PCMT1: variants seen among roughly 807,000 people sequenced by gnomAD.
The protein encoded by PCMT1 is protein-L-isoaspartate (D-aspartate) O-methyltransferase, also known as protein-L-isoaspartate(D-aspartate) O-methyltransferase.
PCMT1 carries 9 observed loss-of-function variants against 29.2 expected under a neutral mutation model. The ratio of observed to expected loss-of-function variants is 0.31; its 90% CI spans 0.19 to 0.54. PCMT1 has a LOEUF of 0.54. Among genes scored for constraint, PCMT1 ranks in the 20% least tolerant of loss-of-function variants. The pLI is 0.95. For missense variants in PCMT1, 184 were observed against 282.2 expected, an observed-to-expected ratio of 0.65 and a Z score of 2.49; for synonymous variants, 98 against 97.5, an observed-to-expected ratio of 1.00 and a Z score of -0.03.
At chr6:149,752,322 C>T (rs1052750525) in intron 1 of PCMT1, among the ~76,000 whole-genome samples, 2 of 151,914 alleles carry the variant, frequency 1.3e-5, no homozygotes, top group African/African-American at 4.8e-5. Context: ...CTCAGCCTCC[C>T]GAGTAGCTGG....
At chr6:149,763,161 TATG>T (rs1210883295) in intron 1 of PCMT1, among the ~76,000 whole-genome samples, 4 of 53,882 alleles carry the variant, frequency 7.4e-5, no homozygotes, top group South Asian at 5.6e-4. Context: ...GATATATATC[TATG>T]ATATCTATGA....
At chr6:149,767,646 G>T (rs1344439552) in intron 1 of PCMT1, among the ~76,000 whole-genome samples, 1 of 151,880 alleles carries the variant, frequency 6.6e-6, no homozygotes, top group Non-Finnish European at 1.5e-5. Flanking sequence ...TAGAGATGGG[G>T]TCTCTTCGTG....
At chr6:149,766,384 T>C (rs1283545218) in intron 1 of PCMT1, among the ~76,000 whole-genome samples, 1 of 152,088 alleles carries the variant, frequency 6.6e-6, no homozygotes, top group East Asian at 1.9e-4. Flanking sequence ...TATAAAATCG[T>C]TGGCTTACAC....
chr6:149,789,829 C>T (rs1188740503), intron 3 of PCMT1, 125 bp from the exon 4 acceptor site: 2 of 513,790 alleles, frequency 3.9e-6, no homozygotes, highest in Non-Finnish European at 6.8e-6. Flanking sequence ...GGCAGATAGC[C>T]AAGATAACTT....
chr6:149,765,506 C>G (rs1787043897), intron 1 of PCMT1, among the ~76,000 whole-genome samples: 1 of 151,534 alleles, frequency 6.6e-6, no homozygotes, highest in Non-Finnish European at 1.5e-5. Context: ...AATGGAAAGA[C>G]CATATAAGTT....
chr6:149,804,456 G>T (rs75629254), intron 7 of PCMT1, among the ~76,000 whole-genome samples: 2,435 of 152,226 alleles, frequency 0.016, 70 homozygotes, highest in African/African-American at 0.055. Context: ...AGCTGAAGCT[G>T]CAGAGCCCTT....
intron 1 of PCMT1, among the ~76,000 whole-genome samples, chr6:149,762,867 A>G (rs1562398797): frequency 1.8e-5 from 1 of 56,304 alleles, no homozygotes; most frequent in East Asian, 1.4e-3. Flanking sequence ...TATGATATAT[A>G]TATCTATGAT....
intron 3 of PCMT1, among the ~76,000 whole-genome samples, chr6:149,782,945 C>G (rs1170002862): frequency 6.6e-6 from 1 of 151,914 alleles, no homozygotes; most frequent in Non-Finnish European, 1.5e-5. Context: ...CCCTTGAGCC[C>G]AGGAGTTCAA....
intron 4 of PCMT1, among the ~76,000 whole-genome samples, chr6:149,790,807 G>A (rs182413007): frequency 2.2e-4 from 33 of 152,182 alleles, no homozygotes; most frequent in Admixed American, 2.0e-3. Flanking sequence ...CCAGGAGTTC[G>A]AGACCAGCCT....
chr6:149,794,399 C>T (rs1788509029), intron 5 of PCMT1, among the ~76,000 whole-genome samples: 1 of 152,160 alleles, frequency 6.6e-6, no homozygotes, highest in African/African-American at 2.4e-5. Context: ...GTGGGCAGAT[C>T]ATGAGGTCAA....
At chr6:149,790,392 G>A (rs1030498124) in intron 4 of PCMT1, among the ~76,000 whole-genome samples, 1 of 152,152 alleles carries the variant, frequency 6.6e-6, no homozygotes, top group East Asian at 1.9e-4. Flanking sequence ...TCCTCCACAT[G>A]TTGGTGTCAT....
intron 3 of PCMT1, among the ~76,000 whole-genome samples, chr6:149,788,308 C>A (rs564866320): frequency 6.6e-6 from 1 of 152,198 alleles, no homozygotes; most frequent in East Asian, 1.9e-4. Flanking sequence ...CACTATTAGC[C>A]AATTTATAGA....
intron 6 of PCMT1, 149 bp from the exon 7 acceptor site, chr6:149,802,051 C>T (rs1775842496): frequency 2.2e-6 from 1 of 449,074 alleles, no homozygotes; most frequent in Non-Finnish European, 3.9e-6. Flanking sequence ...ATCACTTGAA[C>T]CTGGGAGGCA....
rs568539436 is a variant in PCMT1, at chr6:149,778,068, G to A, written c.192+4899G>A. 4.0e-5 allele frequency among the ~76,000 whole-genome samples: 6 copies of A among 151,596 alleles called. 1 individual carries two copies. In the East Asian group the frequency reaches 1.2e-3, roughly 29 times the overall value. ...ATTTTTGTATTTTTAGTAGAGACAG[G>A]GTTTCGTCACGTTGGCCAGGCTGGT... On this transcript the variant is annotated intron_variant, in intron 3 of 7. Transcript: ENST00000464889.
chr6:149,754,087 A>C (rs1786428769), intron 1 of PCMT1, among the ~76,000 whole-genome samples: 1 of 152,226 alleles, frequency 6.6e-6, no homozygotes, highest in African/African-American at 2.4e-5. Flanking sequence ...GTTTTAGAAA[A>C]AGTCTATAGC....
chr6:149,789,066 A>ATTTTTTTTTTTTTTTTT (rs56661461), intron 3 of PCMT1, among the ~76,000 whole-genome samples: 1 of 90,476 alleles, frequency 1.1e-5, no homozygotes, highest in African/African-American at 4.9e-5. Flanking sequence ...ATTGGATCTG[A>ATTTTTTTTTTTTTTTTT]TTTTTTTTTT....
At chr6:149,790,235 A>G (rs570193555) in intron 4 of PCMT1, among the ~76,000 whole-genome samples, 177 bp downstream of exon 4, 1 of 152,368 alleles carries the variant, frequency 6.6e-6, no homozygotes, top group South Asian at 2.1e-4. Flanking sequence ...CATGCAACCC[A>G]AACTGGCAGA....
chr6:149,785,355 CTTT>C (rs11310169), intron 3 of PCMT1, among the ~76,000 whole-genome samples: 59 of 73,218 alleles, frequency 8.1e-4, no homozygotes, highest in Non-Finnish European at 1.1e-3. Context: ...TGGCTGTTTT[CTTT>C]TTTTTTTTTT....
rs1776137808 is a variant in PCMT1 at position 149,810,729 on chromosome 6, T to G, written c.*151T>G. 2 of 840,492 alleles carry G rather than the reference T, an allele frequency of 2.4e-6. No individual in the cohort carries two copies. Among genetic ancestry groups the G allele is most frequent in the Non-Finnish European group, 3.8e-6 (2 of 525,622 alleles). 52.1% of individuals were successfully genotyped at this position (840,492 alleles called of 1,614,324 possible). A position where few individuals can be genotyped will look rare whatever the true frequency, so the allele number is the denominator to read the frequency against. ...CACCATCACAGCTTGTTTTGGACTT[T>G]GTTACACTGTTATTTTCAGCATGAA... On this transcript the variant is annotated 3_prime_UTR_variant, in exon 8 of 8. Coordinates refer to ENST00000464889, the MANE Select transcript of PCMT1 (RefSeq NM_001360452.2).
Sources: allele counts gnomAD v4.1 joint callset (sites outside exome capture counted in the v4.1 genomes callset), GRCh38; gene constraint gnomAD v4.1.1; transcripts MANE v1.5; gene names NCBI Gene and HGNC (gene_info 2026-07-23, HGNC 2026-07-21).